STAT6: variants seen among roughly 807,000 people sequenced by gnomAD.
The protein encoded by STAT6 is STAT, interleukin4-induced.
A neutral mutation model predicts 106.3 loss-of-function variants in STAT6; 45 were observed. The ratio of observed to expected loss-of-function variants is 0.42; its 90% confidence interval spans 0.33 to 0.54. The LOEUF is 0.54. STAT6 is among the 20% of genes least tolerant of loss of function. The pLI, the probability that STAT6 is intolerant of heterozygous loss-of-function variation, is 0.06. For missense variants in STAT6, 797 were observed against 1,062.2 expected, an observed-to-expected ratio of 0.75 and a Z score of 3.47; for synonymous variants, 413 against 413.6, an observed-to-expected ratio of 1.00 and a Z score of 0.02.
At position 57,104,557 on chromosome 12, in the gene STAT6, C is replaced by T. The variant is rs991066120; in HGVS notation, c.1119G>A (p.Arg373=). The T allele has an allele frequency of 5.6e-6, 9 of 1,614,058 alleles. No homozygotes were observed. The highest frequency in any genetic ancestry group is 7.6e-6 in the Non-Finnish European group (9 of 1,179,976). Residue 373 remains arginine, a synonymous_variant, in exon 11 of 22, where the codon CGG becomes CGA. Transcript: ENST00000300134. ...CCTCTGTGACAGACTCAGTGCCCTTCCGCTCACACCGCTTGATCTTCTTGA... is the reference window on the plus strand; with the variant it reads ...CCTCTGTGACAGACTCAGTGCCCTTTCGCTCACACCGCTTGATCTTCTTGA... ...LLLKKIKRCE[R]KGTESVTEEK... is the part of the protein sequence containing the mutation.
chr12:57,108,574 T>A (rs1414704606), intron 1 of STAT6, among the ~76,000 whole-genome samples: 1 of 152,100 alleles, frequency 6.6e-6, no homozygotes, highest in African/African-American at 2.4e-5. Context: ...TCTCTTAGAG[T>A]GGCAGAGGAT....
At chr12:57,100,953 A>G (rs752871974) in intron 13 of STAT6, 234 of 449,160 alleles carry the variant, frequency 5.2e-4, no homozygotes, top group Non-Finnish European at 8.7e-4. Context: ...TGGGAGGATT[A>G]AGTGAGATAA....
chr12:57,099,444 T>C lies in STAT6; in HGVS notation c.1745-4A>G, dbSNP rs770403641. 15 of 1,614,084 alleles carry C rather than the reference T, an allele frequency of 9.3e-6. No individual in the cohort carries two copies. Among genetic ancestry groups the C allele is most frequent in the Middle Eastern group, 1.6e-4 (1 of 6,062 alleles). Reference sequence around the variant, plus strand: ...ATGTTCTCTATCTGTGGAGAGCCTATGGTAGGAAGGAGACCCTGAGATCCC... The same window carrying C: ...ATGTTCTCTATCTGTGGAGAGCCTACGGTAGGAAGGAGACCCTGAGATCCC... On this transcript the variant is annotated splice_region_variant and splice_polypyrimidine_tract_variant and intron_variant, in intron 15 of 21. Coordinates refer to ENST00000300134, the MANE Select transcript of STAT6 (RefSeq NM_003153.5). The surrounding 1 kb of genome is among the most constrained non-coding windows in gnomAD (Gnocchi z 4.7).
Position 57,104,511 on chromosome 12 carries a change from A to C in STAT6, c.1165T>G (p.Ser389Ala). ...CCGGGGCCAAGTGTGAAGCTGGCAGAGAAGAGCACAGCGCACTTCTCCTCT... is the reference window on the plus strand; with the variant it reads ...CCGGGGCCAAGTGTGAAGCTGGCAGCGAAGAGCACAGCGCACTTCTCCTCT... ...VTEEKCAVLF[S>A]ASFTLGPGKL... The change falls in exon 11 of 22, where the codon TCT becomes GCT. Residue 389 changes from serine to alanine, a missense_variant. Ser to Ala is a moderately conservative substitution (Grantham distance 99). Around this residue, in one of 4 missense-constraint regions of STAT6, gnomAD observed 222 missense variants for 354.6 expected, o/e 0.63. Transcript: ENST00000300134. 1 of 1,613,318 alleles carries C rather than the reference A, an allele frequency of 6.2e-7. No homozygotes were observed. Among genetic ancestry groups the C allele is most frequent in the Non-Finnish European group, 8.5e-7 (1 of 1,179,784 alleles).
intron 13 of STAT6, 40 bp downstream of exon 13, chr12:57,102,250 A>C: frequency 3.1e-5 from 50 of 1,601,976 alleles, no homozygotes; most frequent in Non-Finnish European, 3.8e-5. Flanking sequence ...CCAGGGATGA[A>C]GAGCTTGGGG....
In STAT6 at chr12:57,107,414, G is replaced by T. The variant is rs1262741740; in HGVS notation, c.256-100C>A. 12 of 1,345,866 alleles carry T rather than the reference G, an allele frequency of 8.9e-6. No homozygotes were observed. In the African/African-American group the frequency reaches 1.3e-4, roughly 15 times the overall value. The allele number at this position is 1,345,866 out of a possible 1,614,324, so 83.4% of individuals were successfully genotyped here. ...GCATTCACACATATACTATAAGGAA[G>T]CACAACTGTAGACTCCAGAAGTTTT... is the stretch of plus-strand genomic sequence containing the variant. On this transcript the variant is annotated intron_variant, in intron 3 of 21. Transcript: ENST00000300134.
In STAT6 at chr12:57,106,000, C is replaced by G. The variant is rs932620964; in HGVS notation, c.680+191G>C. On this transcript the variant is annotated intron_variant, in intron 7 of 21. Transcript: ENST00000300134. ...TGGATGAGTCCCCGCTTGTGCCCCT[C>G]CACTAGGCCCACTTGTACAGGATGC... The G allele has an allele frequency of 4.2e-6, 4 of 948,036 alleles. No individual in the cohort carries two copies. The African/African-American group carries it at 6.6e-5, about 16-fold the overall frequency. 58.7% of individuals were successfully genotyped at this position (948,036 alleles called of 1,614,324 possible).
intron 13 of STAT6, among the ~76,000 whole-genome samples, chr12:57,100,692 GAAAGAAAGAGAAAGAAAGAAAGAA>G (rs1490581346): frequency 0.093 from 4,543 of 48,838 alleles, 83 homozygotes; most frequent in Non-Finnish European, 0.11. Context: ...AAGAAAGAAA[GAAAGAAAGAGAAAGAAAGAAAGAA>G]AGAAAGAAAG....
At chr12:57,106,456 T>A in intron 6 of STAT6, 72 bp downstream of exon 6, 1 of 1,609,146 alleles carries the variant, frequency 6.2e-7, no homozygotes, top group Non-Finnish European at 8.5e-7. Flanking sequence ...AGCCTGTGTC[T>A]TTCTGAGGTC....
At position 57,097,149 on chromosome 12, in the gene STAT6, GCA is replaced by G. The variant is rs776706527; in HGVS notation, c.2160-18_2160-17del. The G allele has an allele frequency of 6.6e-7, 1 of 1,506,538 alleles. No individual in the cohort carries two copies. Among genetic ancestry groups the G allele is most frequent in the East Asian group, 2.3e-5 (1 of 43,528 alleles). 93.3% of individuals were successfully genotyped at this position (1,506,538 alleles called of 1,614,324 possible). ...CAGGTGAGGCCTGGAAGTAGGGAGA[GCA>G]CAGTTAGAGGAAGGCAGGCTAGGCA... On this transcript the variant is annotated splice_polypyrimidine_tract_variant and intron_variant, in intron 19 of 21. Coordinates refer to ENST00000300134, the MANE Select transcript of STAT6 (RefSeq NM_003153.5).
chr12:57,100,697 AAAGAGAAAGAAAGAAAGAAAGAAAGAAAG>A (rs1592553934), intron 13 of STAT6: 2 of 38,986 alleles, frequency 5.1e-5, no homozygotes, highest in East Asian at 8.0e-4. Flanking sequence ...AGAAAGAAAG[AAAGAGAAAGAAAGAAAGAAAGAAAGAAAG>A]AAAGAAAGAA....
chr12:57,099,705 T>C lies in STAT6; in HGVS notation c.1744+62A>G. ...CATCAGGAAGGTCAGGACATTTCAT[T>C]CCCAGAAGAAACCCCAGAGGGCACA... On this transcript the variant is annotated intron_variant, in intron 15 of 21. Transcript: ENST00000300134. The surrounding 1 kb of genome is among the most constrained non-coding windows in gnomAD (Gnocchi z 4.7). The C allele has an allele frequency of 6.2e-7, 1 of 1,604,686 alleles. No homozygotes were observed. The highest frequency in any genetic ancestry group is 2.2e-5 in the East Asian group (1 of 44,728).
rs1297730209 is a variant in STAT6, at chr12:57,106,185, C to A, written c.680+6G>T. On this transcript the variant is annotated splice_donor_region_variant and intron_variant, in intron 7 of 21. Coordinates refer to ENST00000300134, the MANE Select transcript of STAT6 (RefSeq NM_003153.5). ...GCCCCCTCTTCCCCATCAGCCCTAG[C>A]CCAACCTCTCCTGGAGTGGGGCCAG... 4 of 1,613,772 alleles carry A rather than the reference C, an allele frequency of 2.5e-6. No homozygotes were observed. In the African/African-American group the frequency reaches 5.3e-5, roughly 22 times the overall value.
chr12:57,108,931 G>T (rs1020859819), intron 1 of STAT6, among the ~76,000 whole-genome samples: 1 of 152,148 alleles, frequency 6.6e-6, no homozygotes, highest in African/African-American at 2.4e-5. Context: ...AGGCGCAGTG[G>T]CTCATGCCTG....
chr12:57,098,231 G>A (rs2033576455), intron 19 of STAT6, among the ~76,000 whole-genome samples: 1 of 152,150 alleles, frequency 6.6e-6, no homozygotes, highest in South Asian at 2.1e-4. Flanking sequence ...ATAATGCAGT[G>A]AGGTAGGTTA....
chr12:57,108,762 C>T (rs866883979), intron 1 of STAT6, among the ~76,000 whole-genome samples: 6 of 152,276 alleles, frequency 3.9e-5, no homozygotes, highest in South Asian at 2.1e-4. Flanking sequence ...ATAAAAGGTA[C>T]GAAACCGAAG....
intron 18 of STAT6, 35 bp from the exon 19 acceptor site, chr12:57,098,632 C>T: frequency 2.5e-6 from 4 of 1,604,864 alleles, no homozygotes; most frequent in Non-Finnish European, 2.6e-6. Flanking sequence ...GATGCCAGCC[C>T]TTCTCCTGGA....
chr12:57,102,966 T>C (rs12826372), intron 11 of STAT6, 45 bp from the exon 12 acceptor site: 3 of 18,034 alleles, frequency 1.7e-4, no homozygotes, highest in Admixed American at 2.3e-3. Flanking sequence ...CTTTCTTTCC[T>C]TTTTTTTTTT....
chr12:57,106,874 C>T (rs767883280), intron 4 of STAT6, 43 bp from the exon 5 acceptor site: 4 of 1,609,134 alleles, frequency 2.5e-6, no homozygotes, highest in Non-Finnish European at 3.4e-6. Flanking sequence ...ACACTCTGCT[C>T]ATCCCTCTAT....
Sources: gnomAD v4.1 joint callset for allele counts (sites outside exome capture counted in the v4.1 genomes callset) on GRCh38, gnomAD v4.1.1 for gene constraint, gnomAD v4.1.1 regional missense constraint, Gnocchi (gnomAD v3.1) non-coding constraint, MANE v1.5 for transcripts, NCBI Gene and HGNC (gene_info 2026-07-23, HGNC 2026-07-21) for gene names.